Variants in ATP8A2 observed in about 807,000 individuals in gnomAD.
ATP8A2 encodes ATPase phospholipid transporting 8A2, also known as phospholipid-transporting ATPase IB.
In ATP8A2, 100 loss-of-function variants were observed where a neutral mutation model predicts 165.6. The observed-to-expected ratio is 0.60, with a 90% CI of 0.51 to 0.71. The LOEUF is 0.71. Ranked by LOEUF, ATP8A2 falls within the 30% of genes least tolerant of loss-of-function variation. The pLI, the probability that ATP8A2 is intolerant of heterozygous loss-of-function variation, is 0.00. For missense variants in ATP8A2, 1,227 were observed against 1,479.5 expected (o/e 0.83, Z 2.80); for synonymous variants, 543 against 548.8 (o/e 0.99, Z 0.15).
At chr13:25,917,322 C>A (rs546336253) in intron 33 of ATP8A2, among the ~76,000 whole-genome samples, 1 of 152,318 alleles carries the variant, frequency 6.6e-6, no homozygotes, top group South Asian at 2.1e-4. Context: ...TTTTTGTCCC[C>A]CCATTTAAAG....
At chr13:25,738,423 T>G (rs1272191868) in intron 25 of ATP8A2, among the ~76,000 whole-genome samples, 1 of 149,138 alleles carries the variant, frequency 6.7e-6, no homozygotes, top group African/African-American at 2.5e-5. Context: ...ATTTGTTACA[T>G]CCTGTCTTCT....
intron 1 of ATP8A2, among the ~76,000 whole-genome samples, chr13:25,435,695 T>A (rs2034739661): frequency 1.3e-5 from 2 of 152,060 alleles, no homozygotes; most frequent in African/African-American, 4.8e-5. Context: ...ATGGATCTTG[T>A]GGTTTTTTTC....
chr13:25,903,682 G>A (rs960058065), intron 33 of ATP8A2, among the ~76,000 whole-genome samples: 1 of 152,128 alleles, frequency 6.6e-6, no homozygotes, highest in Non-Finnish European at 1.5e-5. Flanking sequence ...TTCTGAACTT[G>A]CTGTTCCCTT....
chr13:25,469,332 T>G (rs1217522907), intron 2 of ATP8A2, among the ~76,000 whole-genome samples: 2 of 150,952 alleles, frequency 1.3e-5, no homozygotes, highest in African/African-American at 4.8e-5. Context: ...CGTTCTCTCC[T>G]GCGCATCCGT....
chr13:25,931,774 C>T lies in ATP8A2; in HGVS notation c.3184-29801C>T, dbSNP rs545905894. On this transcript the variant is annotated intron_variant, in intron 33 of 36. Coordinates refer to ENST00000381655, the MANE Select transcript of ATP8A2 (RefSeq NM_016529.6). Reference sequence around the variant, plus strand: ...GACAGGGAAAAGCCAGGGCCAGGTGCGGTGGCTCACACCTATAATCCCAGC... The same window carrying T: ...GACAGGGAAAAGCCAGGGCCAGGTGTGGTGGCTCACACCTATAATCCCAGC... Among the ~76,000 whole-genome samples the T allele has an allele frequency of 2.7e-4, 41 of 152,192 alleles. No homozygotes were observed. The South Asian group carries it at 3.1e-3, about 12-fold the overall frequency.
At chr13:25,484,810 A>G (rs1166115209) in intron 2 of ATP8A2, among the ~76,000 whole-genome samples, 5 of 152,150 alleles carry the variant, frequency 3.3e-5, no homozygotes, top group South Asian at 2.1e-4. Context: ...AGCGACCGCA[A>G]CCGGCAGGAA....
At chr13:26,003,579 T>G (rs920540211) in intron 35 of ATP8A2, among the ~76,000 whole-genome samples, 1 of 152,154 alleles carries the variant, frequency 6.6e-6, no homozygotes, top group African/African-American at 2.4e-5. Flanking sequence ...CTTTCAGAGT[T>G]ATATTCAAAA....
chr13:25,548,686 G>A (rs2038726849), intron 10 of ATP8A2, among the ~76,000 whole-genome samples: 1 of 152,116 alleles, frequency 6.6e-6, no homozygotes, highest in Admixed American at 6.5e-5. Flanking sequence ...TTTCCATTTA[G>A]ACTCCTGAGG....
At chr13:25,704,200 G>A (rs3117866) in intron 25 of ATP8A2, among the ~76,000 whole-genome samples, 24,368 of 152,030 alleles carry the variant, frequency 0.16, 2,387 homozygotes, top group African/African-American at 0.28. Context: ...CAAACTCCCC[G>A]TGGCACCTCT....
chr13:25,686,893 T>A (rs909210611), intron 24 of ATP8A2, among the ~76,000 whole-genome samples: 4 of 152,150 alleles, frequency 2.6e-5, no homozygotes, highest in African/African-American at 4.8e-5. Flanking sequence ...TCTGTTTTTA[T>A]TTGTGTAGTG....
chr13:26,017,381 G>A (rs1957002017), intron 36 of ATP8A2, among the ~76,000 whole-genome samples: 1 of 152,222 alleles, frequency 6.6e-6, no homozygotes, highest in South Asian at 2.1e-4. Context: ...TGTTACTGGA[G>A]CAGACGAAGC....
chr13:25,426,976 G>A (rs74371446), intron 1 of ATP8A2, among the ~76,000 whole-genome samples: 3,318 of 152,082 alleles, frequency 0.022, 124 homozygotes, highest in African/African-American at 0.075. Flanking sequence ...ATAATAATAT[G>A]TCAGTATCAG....
At chr13:25,394,939 T>A (rs1252180726) in intron 1 of ATP8A2, among the ~76,000 whole-genome samples, 1 of 152,200 alleles carries the variant, frequency 6.6e-6, no homozygotes, top group Non-Finnish European at 1.5e-5. Context: ...TCCCACAATT[T>A]ATTGCCCTTA....
At chr13:25,491,495 C>T (rs567997712) in intron 2 of ATP8A2, among the ~76,000 whole-genome samples, 1 of 152,176 alleles carries the variant, frequency 6.6e-6, no homozygotes, top group East Asian at 1.9e-4. Context: ...CTCAAAGTGC[C>T]GGGATTGCAA....
At chr13:25,846,351 G>A (rs934015860) in intron 30 of ATP8A2, among the ~76,000 whole-genome samples, 4 of 152,182 alleles carry the variant, frequency 2.6e-5, no homozygotes, top group Non-Finnish European at 5.9e-5. Flanking sequence ...GTTCAGATGG[G>A]ATGTCTTCCA....
At chr13:25,590,607 A>G (rs1232216360) in intron 24 of ATP8A2, among the ~76,000 whole-genome samples, 2 of 152,160 alleles carry the variant, frequency 1.3e-5, no homozygotes, top group African/African-American at 2.4e-5. Flanking sequence ...ATATGAGCTG[A>G]ACAATGAGAT....
chr13:25,460,413 G>A (rs2035474251), intron 1 of ATP8A2, among the ~76,000 whole-genome samples: 1 of 152,152 alleles, frequency 6.6e-6, no homozygotes. Flanking sequence ...AGCAACAGAG[G>A]AAGTTGCTAA....
chr13:25,763,226 C>A (rs1417087500), intron 25 of ATP8A2, among the ~76,000 whole-genome samples: 1 of 152,176 alleles, frequency 6.6e-6, no homozygotes, highest in Non-Finnish European at 1.5e-5. Context: ...TTGTTCTTTT[C>A]TCTGTCAGCA....
intron 36 of ATP8A2, among the ~76,000 whole-genome samples, chr13:26,015,389 A>G (rs1346436464): frequency 6.6e-6 from 1 of 152,134 alleles, no homozygotes; most frequent in East Asian, 1.9e-4. Context: ...TCTTGGTAGT[A>G]TTTTAGTTCC....
Sources: allele counts gnomAD v4.1 joint callset (sites outside exome capture counted in the v4.1 genomes callset), GRCh38; gene constraint gnomAD v4.1.1; transcripts MANE v1.5; gene names NCBI Gene and HGNC (gene_info 2026-07-23, HGNC 2026-07-21).